The following PCDH15 variants were observed in gnomAD, a reference collection of about 807,000 sequenced individuals.
The protein encoded by PCDH15 is protocadherin-15.
Under a neutral mutation model 178.5 loss-of-function variants are expected in PCDH15, and 129 were observed. The observed-to-expected ratio is 0.72, with a 90% CI of 0.63 to 0.84. The LOEUF (loss-of-function observed/expected upper bound fraction) is 0.84. Ranked by LOEUF, PCDH15 falls within the 40% of genes least tolerant of loss-of-function variation. PCDH15 has a pLI of 0.00. For missense variants in PCDH15, 2,230 were observed against 2,099.9 expected (o/e 1.06, Z -1.21); for synonymous variants, 800 against 732.0 (o/e 1.09, Z -1.50).
chr10:53,940,084 T>C (rs1167243925), intron 24 of PCDH15, among the ~76,000 whole-genome samples: 1 of 152,106 alleles, frequency 6.6e-6, no homozygotes, highest in Non-Finnish European at 1.5e-5. Context: ...ATAATTTCCT[T>C]GCAAACTCTT....
At chr10:55,266,639 C>T (rs1592034973) in intron 1 of PCDH15, among the ~76,000 whole-genome samples, 1 of 152,214 alleles carries the variant, frequency 6.6e-6, no homozygotes, top group East Asian at 1.9e-4. Flanking sequence ...AGCTGGAGGT[C>T]GAGAGGAACA....
chr10:55,544,674 A>G (rs1039858038), intron 2 of PCDH15, among the ~76,000 whole-genome samples: 4 of 152,148 alleles, frequency 2.6e-5, no homozygotes, highest in African/African-American at 9.7e-5. Flanking sequence ...TACACAATAA[A>G]GGGGAAAATC....
chr10:54,703,128 A>G (rs2095328973), intron 1 of PCDH15, among the ~76,000 whole-genome samples: 1 of 152,088 alleles, frequency 6.6e-6, no homozygotes, highest in Non-Finnish European at 1.5e-5. Flanking sequence ...CAACAAATCC[A>G]CATGATCATC....
chr10:54,036,730 A>G, intron 18 of PCDH15, among the ~76,000 whole-genome samples: 1 of 151,962 alleles, frequency 6.6e-6, no homozygotes, highest in East Asian at 1.9e-4. Context: ...ATAAAGGAGT[A>G]AATTTGAGGT....
chr10:55,272,918 T>C (rs577138466), intron 1 of PCDH15, among the ~76,000 whole-genome samples: 1 of 152,198 alleles, frequency 6.6e-6, no homozygotes, highest in African/African-American at 2.4e-5. Flanking sequence ...TCCGAACATA[T>C]CTTTACTGTG....
intron 26 of PCDH15, among the ~76,000 whole-genome samples, chr10:53,888,298 A>ATATATATATACATATATATATGTATATG (rs2081254315): frequency 1.3e-5 from 1 of 75,416 alleles, no homozygotes; most frequent in African/African-American, 5.2e-5. Context: ...ATACATATAT[A>ATATATATATACATATATATATGTATATG]TATATATATA....
chr10:54,800,127 T>G (rs1952512788), intron 1 of PCDH15, among the ~76,000 whole-genome samples: 1 of 152,124 alleles, frequency 6.6e-6, no homozygotes, highest in East Asian at 1.9e-4. Context: ...GTGCTACAAG[T>G]CCATCAAATC....
At chr10:54,344,490 T>C (rs1942862766) in intron 6 of PCDH15, among the ~76,000 whole-genome samples, 1 of 152,102 alleles carries the variant, frequency 6.6e-6, no homozygotes, top group South Asian at 2.1e-4. Context: ...TCAAACTATA[T>C]CTAAACATTG....
intron 3 of PCDH15, among the ~76,000 whole-genome samples, chr10:54,443,058 A>G (rs781737275): frequency 4.0e-5 from 6 of 151,638 alleles, no homozygotes; most frequent in Non-Finnish European, 8.9e-5. Flanking sequence ...TGGCATAAAG[A>G]AGAGGTTTAG....
chr10:55,243,361 T>C (rs187610042), intron 1 of PCDH15, among the ~76,000 whole-genome samples: 1 of 152,302 alleles, frequency 6.6e-6, no homozygotes, highest in East Asian at 1.9e-4. Context: ...ATGTAAATTG[T>C]GATGAAAATA....
At chr10:54,023,624 A>G (rs535781687) in intron 18 of PCDH15, among the ~76,000 whole-genome samples, 1 of 149,066 alleles carries the variant, frequency 6.7e-6, no homozygotes, top group East Asian at 2.0e-4. Context: ...ATGTTTAGTA[A>G]TAATGTTACA....
intron 2 of PCDH15, among the ~76,000 whole-genome samples, chr10:54,619,877 AAG>A (rs2093301582): frequency 1.3e-5 from 2 of 152,156 alleles, no homozygotes; most frequent in African/African-American, 4.8e-5. Context: ...TGTGTTATCC[AAG>A]ACAGGGGTTG....
At chr10:55,059,297 A>C (rs923286067) in intron 2 of PCDH15, among the ~76,000 whole-genome samples, 1 of 152,196 alleles carries the variant, frequency 6.6e-6, no homozygotes, top group Non-Finnish European at 1.5e-5. Flanking sequence ...TTTATAATAT[A>C]TATATTTTAT....
chr10:55,320,980 A>T (rs1425735244), upstream of PCDH15, among the ~76,000 whole-genome samples: 1 of 152,184 alleles, frequency 6.6e-6, no homozygotes, highest in African/African-American at 2.4e-5. Context: ...GATATTCAAT[A>T]AGAACACATA....
chr10:54,112,631 G>T (rs10763068), intron 15 of PCDH15, among the ~76,000 whole-genome samples: 46,600 of 151,922 alleles, frequency 0.31, 8,409 homozygotes, highest in East Asian at 0.86. Context: ...CCTGCTCTGA[G>T]GATTTGGTTT....
At chr10:54,080,616 A>T (rs10825219) in intron 16 of PCDH15, among the ~76,000 whole-genome samples, 2 of 152,252 alleles carry the variant, frequency 1.3e-5, no homozygotes, top group South Asian at 4.1e-4. Context: ...GAGTACAGAG[A>T]GTCAAAGCCG....
chr10:54,245,336 G>A, intron 8 of PCDH15, among the ~76,000 whole-genome samples: 1 of 152,150 alleles, frequency 6.6e-6, no homozygotes, highest in Non-Finnish European at 1.5e-5. Flanking sequence ...TATTTCTACC[G>A]AGTATATGTG....
intron 28 of PCDH15, among the ~76,000 whole-genome samples, chr10:53,855,447 T>G (rs901023934): frequency 6.6e-6 from 1 of 152,016 alleles, no homozygotes; most frequent in Non-Finnish European, 1.5e-5. Flanking sequence ...ACTGTACAAT[T>G]GATATTCCAT....
intron 2 of PCDH15, among the ~76,000 whole-genome samples, chr10:55,547,406 T>C (rs1353348748): frequency 1.3e-5 from 2 of 152,130 alleles, no homozygotes; most frequent in African/African-American, 4.8e-5. Context: ...TGTTCTGACA[T>C]GGCATATTGG....
Sources: gnomAD v4.1 joint callset for allele counts (sites outside exome capture counted in the v4.1 genomes callset) on GRCh38, gnomAD v4.1.1 for gene constraint, MANE v1.5 for transcripts, NCBI Gene and HGNC (gene_info 2026-07-23, HGNC 2026-07-21) for gene names.